Variants in CHAT observed in about 807,000 individuals in gnomAD.
The protein encoded by CHAT is acetyl CoA:choline O-acetyltransferase.
A neutral mutation model predicts 76.9 loss-of-function variants in CHAT; 61 were observed. The ratio of observed to expected loss-of-function variants is 0.79; its 90% confidence interval spans 0.65 to 0.98. The LOEUF is 0.98. CHAT is among the 50% of genes least tolerant of loss of function. CHAT has a pLI of 0.00. For synonymous variants in CHAT, 407 were observed against 397.4 expected (o/e 1.02, Z -0.29); for missense variants, 946 against 986.9 (o/e 0.96, Z 0.56).
At chr10:49,609,892 C>T (rs1838243094), upstream of CHAT, among the ~76,000 whole-genome samples, 1 of 151,954 alleles carries the variant, frequency 6.6e-6, no homozygotes, top group Non-Finnish European at 1.5e-5. Context: ...CGCCGAGGTC[C>T]AGGCTGAAGC....
chr10:49,630,449 G>A (rs1488483234), intron 7 of CHAT, among the ~76,000 whole-genome samples: 1 of 152,152 alleles, frequency 6.6e-6, no homozygotes, highest in Non-Finnish European at 1.5e-5. Flanking sequence ...GCTTACTGAG[G>A]GTCAGACTGG....
chr10:49,610,515 AGCCGCG>A (rs1838260723), upstream of CHAT: 1 of 444,992 alleles, frequency 2.2e-6, no homozygotes, highest in African/African-American at 2.0e-5. Flanking sequence ...TGAGCCCAGC[AGCCGCG>A]GGTCCCGGGA....
chr10:49,655,576 C>T (rs1840011066), intron 13 of CHAT, 128 bp downstream of exon 13: 4 of 810,690 alleles, frequency 4.9e-6, no homozygotes, highest in Non-Finnish European at 8.6e-6. Context: ...TTGGCAAGGC[C>T]ACTTCACCAC....
chr10:49,650,226 A>G (rs1839832095), intron 10 of CHAT, among the ~76,000 whole-genome samples: 1 of 152,162 alleles, frequency 6.6e-6, no homozygotes, highest in South Asian at 2.1e-4. Context: ...TTCATCAAAC[A>G]TGTGCAGAGC....
chr10:49,637,312 G>A (rs957509910), intron 7 of CHAT: 1 of 151,750 alleles, frequency 6.6e-6, no homozygotes, highest in Non-Finnish European at 1.5e-5. Flanking sequence ...ATTTTCATAT[G>A]GTGTATTTTA....
At chr10:49,643,058 T>C (rs61849363) in intron 7 of CHAT, among the ~76,000 whole-genome samples, 14,655 of 152,294 alleles carry the variant, frequency 0.096, 964 homozygotes, top group Non-Finnish European at 0.14. Context: ...ATGATTATTA[T>C]CATCCGTGTT....
chr10:49,619,769 C>T lies in CHAT; in HGVS notation c.432C>T (p.Ala144=), dbSNP rs1838632336. ...TGCCCCCGCTGCAGCAGACCCTGGC[C>T]ACGTACCTGCAGTGCATGCGACACT... ...LPVPPLQQTL[A]TYLQCMRHLV... is the part of the protein sequence containing the mutation. Residue 144 remains alanine (A), a synonymous_variant, in exon 3 of 15, where the codon GCC becomes GCT. Transcript: ENST00000337653. 7 of 1,613,906 alleles carry T rather than the reference C, an allele frequency of 4.3e-6. No individual in the cohort carries two copies. Among genetic ancestry groups the T allele is most frequent in the Non-Finnish European group, 1.7e-6 (2 of 1,180,012 alleles).
chr10:49,614,529 G>A, intron 1 of CHAT, 54 bp downstream of exon 1: 4 of 1,466,216 alleles, frequency 2.7e-6, no homozygotes, highest in Non-Finnish European at 3.7e-6. Context: ...GAGCAAGGGC[G>A]GCGGTCGGGG....
chr10:49,630,663 T>C (rs1168258579), intron 7 of CHAT, among the ~76,000 whole-genome samples: 2 of 151,884 alleles, frequency 1.3e-5, no homozygotes, highest in Non-Finnish European at 2.9e-5. Flanking sequence ...GAGAGACAAA[T>C]GTATGGAAGG....
chr10:49,647,740 TTTCC>T (rs146751288), intron 8 of CHAT, among the ~76,000 whole-genome samples: 4,773 of 140,202 alleles, frequency 0.034, 291 homozygotes, highest in African/African-American at 0.12. Flanking sequence ...AAGACACCGC[TTTCC>T]TTCCTTCCTT....
At chr10:49,660,421 G>A (rs1181271528) in intron 13 of CHAT, among the ~76,000 whole-genome samples, 3 of 146,256 alleles carry the variant, frequency 2.1e-5, no homozygotes, top group African/African-American at 5.1e-5. Flanking sequence ...CAGCCTAGAC[G>A]ACAGAGTGAG....
intron 1 of CHAT, among the ~76,000 whole-genome samples, chr10:49,615,156 T>TGG (rs1247326719): frequency 4.1e-5 from 1 of 24,170 alleles, no homozygotes; most frequent in African/African-American, 1.6e-4. Flanking sequence ...GTCTCCCGAA[T>TGG]GGGGGGGAGG....
At chr10:49,631,357 G>C (rs12217567) in intron 7 of CHAT, among the ~76,000 whole-genome samples, 1 of 152,018 alleles carries the variant, frequency 6.6e-6, no homozygotes, top group African/African-American at 2.4e-5. Flanking sequence ...GCCTCTGTGC[G>C]TATCTGCATC....
At chr10:49,622,326 CCTGT>C (rs1370913901) in intron 5 of CHAT, among the ~76,000 whole-genome samples, 176 bp downstream of exon 5, 1 of 152,218 alleles carries the variant, frequency 6.6e-6, no homozygotes, top group Non-Finnish European at 1.5e-5. Context: ...GCCTGGCTGG[CCTGT>C]CTGTTAACTG....
upstream of CHAT, chr10:49,612,039 G>C (rs769077516): frequency 3.2e-5 from 52 of 1,613,580 alleles, no homozygotes; most frequent in Non-Finnish European, 4.2e-5. Context: ...TGGCCTACGC[G>C]CTCGGGCCCA....
At chr10:49,656,170 A>ACTAG (rs1479722189) in intron 13 of CHAT, among the ~76,000 whole-genome samples, 2 of 152,220 alleles carry the variant, frequency 1.3e-5, no homozygotes, top group African/African-American at 2.4e-5. Context: ...GGATTTTAGA[A>ACTAG]CTAGCCAACA....
In CHAT at chr10:49,655,109, T is replaced by C; in HGVS notation, c.1649T>C (p.Leu550Pro). ...QLAFYRLHRR[L>P]VPTYESASIR... ...ATCCCACGCAGGCTCCATCGAAGAC[T>C]GGTGCCCACCTACGAGAGCGCGTCC... The change falls in exon 12 of 15, where the codon CTG becomes CCG. Residue 550 changes from leucine to proline, a missense_variant. Physicochemically the swap from Leu to Pro is moderately conservative, Grantham distance 98 (BLOSUM62 -3). This residue lies in a region of CHAT where 349 missense variants were observed against 393.9 expected (regional missense o/e 0.89). Transcript: ENST00000337653. The C allele has an allele frequency of 1.2e-6, 2 of 1,614,078 alleles. No homozygotes were observed. Among genetic ancestry groups the C allele is most frequent in the Non-Finnish European group, 1.7e-6 (2 of 1,179,992 alleles).
upstream of CHAT, chr10:49,611,624 C>T: frequency 1.2e-6 from 2 of 1,611,562 alleles, no homozygotes; most frequent in South Asian, 1.1e-5. Context: ...GCCGTGGTGG[C>T]CGGCGCGCTC....
chr10:49,640,401 A>G (rs1215497657), intron 7 of CHAT, among the ~76,000 whole-genome samples: 1 of 152,096 alleles, frequency 6.6e-6, no homozygotes, highest in East Asian at 1.9e-4. Context: ...GTCCAGCAAG[A>G]GAATGGGGGA....
Sources: gnomAD v4.1 joint callset for allele counts (sites outside exome capture counted in the v4.1 genomes callset) on GRCh38, gnomAD v4.1.1 for gene constraint, gnomAD v4.1.1 regional missense constraint, MANE v1.5 for transcripts, NCBI Gene and HGNC (gene_info 2026-07-23, HGNC 2026-07-21) for gene names.